GRM5: variants seen among roughly 807,000 people sequenced by gnomAD.
GRM5 encodes the protein glutamate metabotropic receptor 5, also known as metabotropic glutamate receptor 5.
In GRM5, 19 loss-of-function variants were observed where a neutral mutation model predicts 83.1. That is an observed-to-expected ratio of 0.23 (90% CI 0.16 to 0.34). The LOEUF (loss-of-function observed/expected upper bound fraction) is 0.34. GRM5 is among the 10% of genes least tolerant of loss of function. The pLI, the probability that GRM5 is intolerant of heterozygous loss-of-function variation, is 1.00. For synonymous variants in GRM5, 675 were observed against 633.6 expected (o/e 1.07, Z -0.98); for missense variants, 1,160 against 1,588.3 (o/e 0.73, Z 4.58).
chr11:89,027,203 C>A (rs1272984488), intron 2 of GRM5, among the ~76,000 whole-genome samples: 2 of 151,906 alleles, frequency 1.3e-5, no homozygotes, highest in Non-Finnish European at 2.9e-5. Context: ...TCAAACGATT[C>A]TCTGGCCTCA....
At chr11:88,645,425 G>C (rs573239988) in intron 4 of GRM5, among the ~76,000 whole-genome samples, 21 of 152,256 alleles carry the variant, frequency 1.4e-4, no homozygotes, top group African/African-American at 4.8e-4. Context: ...AGCATGTACA[G>C]AAACACAGGA....
chr11:88,792,910 G>A (rs1256107107), intron 3 of GRM5, among the ~76,000 whole-genome samples: 1 of 152,008 alleles, frequency 6.6e-6, no homozygotes, highest in African/African-American at 2.4e-5. Flanking sequence ...GGGCCTTGTG[G>A]CCCATGTAAG....
At chr11:88,602,628 T>C (rs1207382654) in intron 5 of GRM5, among the ~76,000 whole-genome samples, 1 of 152,204 alleles carries the variant, frequency 6.6e-6, no homozygotes, top group African/African-American at 2.4e-5. Context: ...GAATATAGTG[T>C]CTTTAAAATT....
chr11:88,845,564 G>C (rs566992164), intron 3 of GRM5, among the ~76,000 whole-genome samples: 1 of 150,232 alleles, frequency 6.7e-6, no homozygotes, highest in Non-Finnish European at 1.5e-5. Flanking sequence ...CTCCAGAGTA[G>C]CTGGGACTAC....
intron 3 of GRM5, among the ~76,000 whole-genome samples, chr11:88,709,701 T>C (rs909860371): frequency 2.0e-5 from 3 of 152,106 alleles, no homozygotes; most frequent in Non-Finnish European, 2.9e-5. Context: ...ACAGAGGCTG[T>C]ATTTCCATCA....
chr11:88,592,059 T>C (rs1177629050), intron 6 of GRM5, among the ~76,000 whole-genome samples: 1 of 152,202 alleles, frequency 6.6e-6, no homozygotes, highest in Admixed American at 6.5e-5. Flanking sequence ...TGCTCATGCT[T>C]ATAAACATTG....
chr11:88,592,956 G>A lies in GRM5; in HGVS notation c.1564-2229C>T, dbSNP rs553539324. Among the ~76,000 whole-genome samples, 6 of 152,250 alleles carry A rather than the reference G, an allele frequency of 3.9e-5. No homozygotes were observed. In the South Asian group the frequency reaches 1.2e-3, roughly 32 times the overall value. On this transcript the variant is annotated intron_variant, in intron 6 of 9. Coordinates refer to ENST00000305447, the MANE Select transcript of GRM5 (RefSeq NM_001143831.3). ...AGCTTCCTGAATAACTGGGACTACA[G>A]ATGTGTGCCACCATGCCCAATTATT... is the stretch of plus-strand genomic sequence containing the variant.
At chr11:88,953,058 T>A (rs1160673605) in intron 2 of GRM5, among the ~76,000 whole-genome samples, 1 of 152,218 alleles carries the variant, frequency 6.6e-6, no homozygotes, top group Non-Finnish European at 1.5e-5. Context: ...AAAGCAATCA[T>A]GTTTCTGAAT....
chr11:88,511,454 T>C lies in GRM5; in HGVS notation c.2727-1950A>G, dbSNP rs144070158. ...TGCTTCCCATTTCTTTATCTGTTCC[T>C]TTCTACTTCATGGTCTTTCTTTCTC... On this transcript the variant is annotated intron_variant, in intron 9 of 9. Coordinates refer to ENST00000305447, the MANE Select transcript of GRM5 (RefSeq NM_001143831.3). Among the ~76,000 whole-genome samples, 1,044 of 152,370 alleles carry C rather than the reference T, an allele frequency of 6.9e-3. 7 individuals carry two copies. Among genetic ancestry groups the C allele is most frequent in the Middle Eastern group, 0.02 (6 of 294 alleles).
chr11:88,523,024 C>T (rs1031377358), intron 9 of GRM5: 3 of 152,194 alleles, frequency 2.0e-5, no homozygotes, highest in African/African-American at 7.2e-5. Flanking sequence ...TCCCTTTCCC[C>T]TCATTCTCAA....
intron 3 of GRM5, among the ~76,000 whole-genome samples, chr11:88,756,412 A>T (rs1942394600): frequency 6.6e-6 from 1 of 152,178 alleles, no homozygotes; most frequent in Admixed American, 6.6e-5. Flanking sequence ...TGTCATATTC[A>T]GTCAGCAAGA....
intron 2 of GRM5, among the ~76,000 whole-genome samples, chr11:88,974,185 AT>A (rs1420842238): frequency 1.3e-5 from 2 of 152,162 alleles, no homozygotes; most frequent in African/African-American, 4.8e-5. Flanking sequence ...AAGAAAGCAG[AT>A]GTTGTTTTAG....
intron 2 of GRM5, among the ~76,000 whole-genome samples, chr11:89,001,390 G>C (rs1300774570): frequency 6.6e-6 from 1 of 152,056 alleles, no homozygotes; most frequent in East Asian, 1.9e-4. Flanking sequence ...CAGAGATATT[G>C]ATACAGCCAA....
chr11:88,578,249 T>G (rs911662307), intron 7 of GRM5, among the ~76,000 whole-genome samples: 2 of 152,132 alleles, frequency 1.3e-5, no homozygotes, highest in African/African-American at 4.8e-5. Context: ...TAGGAGGAAT[T>G]TATCTGCTTC....
chr11:88,709,588 C>T (rs1565195936), intron 3 of GRM5, among the ~76,000 whole-genome samples: 1 of 152,216 alleles, frequency 6.6e-6, no homozygotes, highest in Non-Finnish European at 1.5e-5. Flanking sequence ...GAGGAGGTCA[C>T]CTCAGTGTCA....
intron 2 of GRM5, among the ~76,000 whole-genome samples, chr11:88,851,797 C>T (rs1439761947): frequency 6.6e-6 from 1 of 152,194 alleles, no homozygotes; most frequent in East Asian, 1.9e-4. Flanking sequence ...GCCAAAAATA[C>T]TGGTGGGCCA....
chr11:88,527,926 C>T (rs889099616), intron 8 of GRM5, among the ~76,000 whole-genome samples: 6 of 151,942 alleles, frequency 3.9e-5, no homozygotes, highest in Non-Finnish European at 8.8e-5. Context: ...ACACTGGGGC[C>T]TCCATGAGGG....
chr11:88,757,809 C>A (rs1039399315), intron 3 of GRM5, among the ~76,000 whole-genome samples: 4 of 152,156 alleles, frequency 2.6e-5, no homozygotes, highest in Non-Finnish European at 4.4e-5. Flanking sequence ...GCTGCCATAG[C>A]CCTACAAAAT....
intron 2 of GRM5, among the ~76,000 whole-genome samples, chr11:88,991,933 C>G (rs1939991451): frequency 6.6e-6 from 1 of 152,094 alleles, no homozygotes; most frequent in South Asian, 2.1e-4. Context: ...CAGGCAGTAC[C>G]ATTCAGGACA....
Sources: gnomAD v4.1 joint callset for allele counts (sites outside exome capture counted in the v4.1 genomes callset) on GRCh38, gnomAD v4.1.1 for gene constraint, MANE v1.5 for transcripts, NCBI Gene and HGNC (gene_info 2026-07-23, HGNC 2026-07-21) for gene names.